PAK2: variants seen among roughly 807,000 people sequenced by gnomAD.
The protein encoded by PAK2 is serine/threonine-protein kinase PAK 2.
Under a neutral mutation model 65.9 loss-of-function variants are expected in PAK2, and 21 were observed. That is an observed-to-expected ratio of 0.32 (90% confidence interval 0.23 to 0.46). PAK2 has a LOEUF of 0.46. Among genes scored for constraint, PAK2 ranks in the 20% least tolerant of loss-of-function variants. The probability of loss-of-function intolerance (pLI) is 1.00; values close to 1 mark genes in which losing one functional copy is unlikely to be tolerated. For synonymous variants in PAK2, 204 were observed against 219.7 expected (o/e 0.93, Z 0.63); for missense variants, 324 against 642.6 (o/e 0.50, Z 5.36).
chr3:196,751,540 G>A (rs1008524935), intron 1 of PAK2, among the ~76,000 whole-genome samples: 4 of 149,982 alleles, frequency 2.7e-5, no homozygotes, highest in African/African-American at 9.9e-5. Flanking sequence ...CCAGCTACTC[G>A]GGAGGCTGAG....
chr3:196,775,089 G>A (rs1402363283), intron 1 of PAK2, among the ~76,000 whole-genome samples: 2 of 152,132 alleles, frequency 1.3e-5, no homozygotes, highest in East Asian at 1.9e-4. Context: ...CTAGTCACTC[G>A]TGGTATATTA....
In PAK2 at chr3:196,829,237, A is replaced by C. The variant is rs1008271715; in HGVS notation, c.*832A>C. 2.6e-5 allele frequency: 4 copies of C among 152,646 alleles called. No individual in the cohort carries two copies. Among genetic ancestry groups the C allele is most frequent in the Non-Finnish European group, 5.9e-5 (4 of 68,034 alleles). The allele number at this position is 152,646 out of a possible 1,614,324, so 9.5% of individuals were successfully genotyped here. On this transcript the variant is annotated 3_prime_UTR_variant, in exon 15 of 15. Coordinates refer to ENST00000327134, the MANE Select transcript of PAK2 (RefSeq NM_002577.4). Reference sequence around the variant, plus strand: ...CCCTTCAGGCTTGGCTCTAGGAACCAAAGTGATTTGTTGTTGTTCCAACCT... The same window carrying C: ...CCCTTCAGGCTTGGCTCTAGGAACCCAAGTGATTTGTTGTTGTTCCAACCT...
chr3:196,795,035 G>A lies in PAK2; in HGVS notation c.188-6892G>A, dbSNP rs1158779744. 5.3e-5 allele frequency among the ~76,000 whole-genome samples: 8 copies of A among 152,212 alleles called. No homozygotes were observed. In the East Asian group the frequency reaches 1.2e-3, roughly 22 times the overall value. Reference sequence around the variant, plus strand: ...AGACTAAATATCCTCATACTTCTTTGAAAAATGGCTTAAAATTTTCCAAAT... The same window carrying A: ...AGACTAAATATCCTCATACTTCTTTAAAAAATGGCTTAAAATTTTCCAAAT... On this transcript the variant is annotated intron_variant, in intron 2 of 14. Coordinates refer to ENST00000327134, the MANE Select transcript of PAK2 (RefSeq NM_002577.4).
At position 196,768,492 on chromosome 3, in the gene PAK2, A is replaced by ATG. The variant is rs59164077; in HGVS notation, c.-21-14133_-21-14132insGT. Among the ~76,000 whole-genome samples, 1,454 of 149,348 alleles carry ATG rather than the reference A, an allele frequency of 9.7e-3. 40 individuals are homozygous for ATG. The highest frequency in any genetic ancestry group is 0.034 in the African/African-American group (1,369 of 40,430). On this transcript the variant is annotated intron_variant, in intron 1 of 14. Coordinates refer to ENST00000327134, the MANE Select transcript of PAK2 (RefSeq NM_002577.4). ...TTTAGTTCTCCTTTATTTTATTTATATATGTATGTATGTATTTATTTATTT... is the reference window on the plus strand; with the variant it reads ...TTTAGTTCTCCTTTATTTTATTTATATGTATGTATGTATGTATTTATTTATTT...
At chr3:196,779,046 A>G (rs561883116) in intron 1 of PAK2, among the ~76,000 whole-genome samples, 2 of 152,314 alleles carry the variant, frequency 1.3e-5, no homozygotes, top group Non-Finnish European at 2.9e-5. Flanking sequence ...TTCCCTTGCC[A>G]TACACTGTTC....
At position 196,758,686 on chromosome 3, in the gene PAK2, G is replaced by A. The variant is rs944873318; in HGVS notation, c.-22+18529G>A. On this transcript the variant is annotated intron_variant, in intron 1 of 14. Coordinates refer to ENST00000327134, the MANE Select transcript of PAK2 (RefSeq NM_002577.4). ...TTATTTTATTTTGAGAAAGTGTCTC[G>A]CTCTACTGCCCAGGGTGGAGTGTAC... 9.9e-5 allele frequency among the ~76,000 whole-genome samples: 15 copies of A among 152,050 alleles called. 1 individual carries two copies. Among genetic ancestry groups the A allele is most frequent in the Admixed American group, 7.9e-4 (12 of 15,256 alleles).
chr3:196,827,988 T>C (rs1306627151), intron 14 of PAK2, among the ~76,000 whole-genome samples: 1 of 84,202 alleles, frequency 1.2e-5, no homozygotes, highest in Admixed American at 1.4e-4. Context: ...CAGACCTGTT[T>C]ACAGTTTGTG....
intron 10 of PAK2, among the ~76,000 whole-genome samples, chr3:196,814,022 G>A (rs1715913686): frequency 1.3e-5 from 2 of 152,148 alleles, no homozygotes; most frequent in African/African-American, 2.4e-5. Context: ...AGTCAGCATA[G>A]TGTGGTGGTT....
chr3:196,742,418 A>T (rs1713231056), intron 1 of PAK2, among the ~76,000 whole-genome samples: 1 of 152,156 alleles, frequency 6.6e-6, no homozygotes, highest in South Asian at 2.1e-4. Context: ...TTTTTAAGAG[A>T]GACTAGAACT....
intron 2 of PAK2, among the ~76,000 whole-genome samples, chr3:196,783,991 A>C (rs547991332): frequency 6.6e-6 from 1 of 152,284 alleles, no homozygotes; most frequent in South Asian, 2.1e-4. Flanking sequence ...GGTTGTTTTC[A>C]TGAATAGTGT....
intron 1 of PAK2, among the ~76,000 whole-genome samples, chr3:196,751,662 T>TACA (rs1491371013): frequency 1.9e-5 from 1 of 53,322 alleles, no homozygotes; most frequent in African/African-American, 8.7e-5. Flanking sequence ...AACACACAAA[T>TACA]TTATTTATAT....
At chr3:196,745,900 C>CT (rs1392310827) in intron 1 of PAK2, among the ~76,000 whole-genome samples, 1 of 149,574 alleles carries the variant, frequency 6.7e-6, no homozygotes, top group Non-Finnish European at 1.5e-5. Flanking sequence ...CAGTAAACGT[C>CT]TTTATTTTGT....
chr3:196,773,737 C>T (rs748638387), intron 1 of PAK2, among the ~76,000 whole-genome samples: 9 of 151,920 alleles, frequency 5.9e-5, no homozygotes, highest in South Asian at 2.1e-4. Flanking sequence ...ATTAGCCAGA[C>T]GTGGTGGTAT....
chr3:196,764,933 C>G (rs1714109712), intron 1 of PAK2, among the ~76,000 whole-genome samples: 1 of 149,840 alleles, frequency 6.7e-6, no homozygotes, highest in South Asian at 2.1e-4. Context: ...AATTCCGCCT[C>G]CCGGGTTCAC....
chr3:196,758,518 A>G (rs1017301887), intron 1 of PAK2, among the ~76,000 whole-genome samples: 1 of 152,276 alleles, frequency 6.6e-6, no homozygotes, highest in Admixed American at 6.5e-5. Context: ...AAGCCTGAAG[A>G]GGGAAAGACT....
chr3:196,752,009 C>G (rs1047647982), intron 1 of PAK2, among the ~76,000 whole-genome samples: 4 of 151,986 alleles, frequency 2.6e-5, no homozygotes, highest in African/African-American at 9.7e-5. Flanking sequence ...TCCCAAAGTG[C>G]TGGGATTACA....
intron 8 of PAK2, 107 bp downstream of exon 8, chr3:196,810,760 C>A: frequency 1.5e-6 from 1 of 659,170 alleles, no homozygotes; most frequent in Non-Finnish European, 2.8e-6. Flanking sequence ...ATATAGTATT[C>A]TGTGAGTGGT....
Position 196,756,300 on chromosome 3 carries a change from C to T in PAK2, c.-22+16143C>T, listed in dbSNP as rs1713767831. On this transcript the variant is annotated intron_variant, in intron 1 of 14. Transcript: ENST00000327134. ...TGTGTCCTCTGTATATAGATACCTTCCTCTCTTTCTTTGCCTGACAAATTC... is the reference window on the plus strand; with the variant it reads ...TGTGTCCTCTGTATATAGATACCTTTCTCTCTTTCTTTGCCTGACAAATTC... 3.9e-5 allele frequency among the ~76,000 whole-genome samples: 6 copies of T among 152,146 alleles called. No homozygotes were observed. The South Asian group carries it at 1.2e-3, about 31-fold the overall frequency.
In PAK2 at chr3:196,807,826, T is replaced by C. The variant is rs758114223; in HGVS notation, c.621T>C (p.Gly207=). The change falls in exon 7 of 15, where the codon GGT becomes GGC. Residue 207 remains glycine (G), a synonymous_variant. Coordinates refer to ENST00000327134, the MANE Select transcript of PAK2 (RefSeq NM_002577.4). Reference sequence around the variant, plus strand: ...TTGACCCTGTTCCTGCACCAGTTGGTGATTCACATGTTGATGGTGCTGCCA... The same window carrying C: ...TTGACCCTGTTCCTGCACCAGTTGGCGATTCACATGTTGATGGTGCTGCCA... ...SVIDPVPAPV[G]DSHVDGAAKS... The C allele has an allele frequency of 4.3e-6, 7 of 1,612,750 alleles. No homozygotes were observed. Among genetic ancestry groups the C allele is most frequent in the Admixed American group, 3.3e-5 (2 of 59,978 alleles).
Sources: gnomAD v4.1 joint callset for allele counts (sites outside exome capture counted in the v4.1 genomes callset) on GRCh38, gnomAD v4.1.1 for gene constraint, MANE v1.5 for transcripts, NCBI Gene and HGNC (gene_info 2026-07-23, HGNC 2026-07-21) for gene names.